The following USP34 variants were observed in gnomAD, a reference collection of about 807,000 sequenced individuals.
USP34 encodes the protein ubiquitin carboxyl-terminal hydrolase 34.
Under a neutral mutation model 460.3 loss-of-function variants are expected in USP34, and 70 were observed. That is an observed-to-expected ratio of 0.15 (90% CI 0.13 to 0.19). USP34 has a LOEUF of 0.19. USP34 is among the 10% of genes least tolerant of loss of function. The probability of loss-of-function intolerance (pLI) is 1.00; values close to 1 mark genes in which losing one functional copy is unlikely to be tolerated. For missense variants in USP34, 3,985 were observed against 4,236.2 expected, an observed-to-expected ratio of 0.94 and a Z score of 1.65; for synonymous variants, 1,647 against 1,405.3, an observed-to-expected ratio of 1.17 and a Z score of -3.85.
chr2:61,417,138 A>G, intron 2 of USP34: 2 of 1,574,436 alleles, frequency 1.3e-6, no homozygotes, highest in Non-Finnish European at 1.7e-6. Context: ...GGCCAATGTG[A>G]ACCCTGGCCA....
intron 76 of USP34, 88 bp from the exon 77 acceptor site, chr2:61,190,746 TTG>T: frequency 7.0e-7 from 1 of 1,436,932 alleles, no homozygotes; most frequent in Non-Finnish European, 9.3e-7. Flanking sequence ...AAACATACAC[TTG>T]TGTATGATGG....
chr2:61,246,234 T>C (rs1036736069), intron 50 of USP34, 90 bp downstream of exon 50: 25 of 1,152,024 alleles, frequency 2.2e-5, no homozygotes, highest in Non-Finnish European at 2.6e-5. Context: ...TTCCAACTTT[T>C]GTGGCAAGTT....
chr2:61,400,193 T>C (rs1371324841), intron 3 of USP34, among the ~76,000 whole-genome samples: 1 of 151,176 alleles, frequency 6.6e-6, no homozygotes, highest in East Asian at 2.0e-4. Context: ...CATTACAAGC[T>C]CCGCCTCCCG....
chr2:61,202,128 G>C (rs767903011), intron 75 of USP34, among the ~76,000 whole-genome samples: 1 of 152,150 alleles, frequency 6.6e-6, no homozygotes, highest in Non-Finnish European at 1.5e-5. Context: ...TGCTGAAGTG[G>C]AATTATCCCT....
rs909608573 is a variant in USP34 at position 61,389,936 on chromosome 2, T to C, written c.753+4917A>G. Among the ~76,000 whole-genome samples, 4 of 152,000 alleles carry C rather than the reference T, an allele frequency of 2.6e-5. No individual in the cohort carries two copies. In the South Asian group the frequency reaches 8.3e-4, roughly 31 times the overall value. On this transcript the variant is annotated intron_variant, in intron 5 of 79. Transcript: ENST00000398571. The stretch of plus-strand genomic sequence containing the variant: ...TGCATCAAACCTAGTTCTGACAAAG[T>C]GCAAAGTGGCATCATGAAAACTTAA...
At chr2:61,440,080 G>C (rs1211182395) in intron 1 of USP34, among the ~76,000 whole-genome samples, 1 of 152,098 alleles carries the variant, frequency 6.6e-6, no homozygotes. Flanking sequence ...GGTTCTGAGG[G>C]CTCACTGAGG....
chr2:61,339,337 A>C lies in USP34; in HGVS notation c.2744+14T>G, dbSNP rs887664676. ...TTTGACTACTGCATTAAAAATTTTT[A>C]AATTCCTCTTTACCTGTTGTTTCCC... On this transcript the variant is annotated intron_variant, in intron 18 of 79. Coordinates refer to ENST00000398571, the MANE Select transcript of USP34 (RefSeq NM_014709.4). 2.5e-6 allele frequency: 4 copies of C among 1,597,660 alleles called. No individual in the cohort carries two copies. Among genetic ancestry groups the C allele is most frequent in the Non-Finnish European group, 2.6e-6 (3 of 1,174,764 alleles).
At chr2:61,220,245 A>G (rs1687522558) in intron 67 of USP34, 65 bp downstream of exon 67, 1 of 1,485,028 alleles carries the variant, frequency 6.7e-7, no homozygotes, top group Middle Eastern at 1.8e-4. Flanking sequence ...TTGCCTAAAA[A>G]CAAAATGAAA....
At chr2:61,462,080 G>A (rs1035444832) in intron 1 of USP34, among the ~76,000 whole-genome samples, 12 of 151,126 alleles carry the variant, frequency 7.9e-5, no homozygotes, top group African/African-American at 2.7e-4. Context: ...TCTACTAAAC[G>A]TAACAAAAAT....
At chr2:61,209,781 T>C (rs1687220788) in intron 69 of USP34, among the ~76,000 whole-genome samples, 1 of 152,310 alleles carries the variant, frequency 6.6e-6, no homozygotes, top group African/African-American at 2.4e-5. Flanking sequence ...AAGGCATCAT[T>C]GTCAGAGGAG....
At chr2:61,456,634 T>C (rs2104085328) in intron 1 of USP34, among the ~76,000 whole-genome samples, 1 of 151,518 alleles carries the variant, frequency 6.6e-6, no homozygotes, top group Middle Eastern at 3.4e-3. Context: ...CTGGGAAACA[T>C]GGTGAAACCC....
At position 61,232,525 on chromosome 2, in the gene USP34, A is replaced by G; in HGVS notation, c.7040T>C (p.Leu2347Ser). ...NNSQAACEWF[L>S]DRMADDDWWP... ...CCAGTCGTCATCAGCCATACGATCT[A>G]AAAACCACTGTTAAAAAAAAATACA... The change falls in exon 58 of 80, where the codon TTA becomes TCA. Residue 2347 changes from leucine (L) to serine (S), a missense_variant. Transcript: ENST00000398571. 6.2e-7 allele frequency: 1 copy of G among 1,606,132 alleles called. No homozygotes were observed. Among genetic ancestry groups the G allele is most frequent in the East Asian group, 2.2e-5 (1 of 44,592 alleles).
At chr2:61,469,353 G>C (rs12616433) in intron 1 of USP34, among the ~76,000 whole-genome samples, 70,284 of 152,044 alleles carry the variant, frequency 0.46, 16,630 homozygotes, top group Middle Eastern at 0.53. Context: ...AGTAAGTATT[G>C]AGGATTTAAG....
chr2:61,265,149 T>C (rs2103916969), intron 43 of USP34: 2 of 369,924 alleles, frequency 5.4e-6, no homozygotes, highest in Non-Finnish European at 9.6e-6. Context: ...TGATATTCAT[T>C]GTATACACTG....
intron 1 of USP34, among the ~76,000 whole-genome samples, chr2:61,453,101 A>C (rs1695333388): frequency 6.6e-6 from 1 of 152,106 alleles, no homozygotes; most frequent in Non-Finnish European, 1.5e-5. Flanking sequence ...GGTAACTGAA[A>C]ATCAGAACCC....
intron 41 of USP34, among the ~76,000 whole-genome samples, chr2:61,268,690 T>C (rs1024953346): frequency 7.2e-5 from 11 of 152,138 alleles, no homozygotes; most frequent in African/African-American, 2.2e-4. Context: ...TAAAAAGTTA[T>C]CAAAAACTTC....
At position 61,294,818 on chromosome 2, in the gene USP34, A is replaced by G. The variant is rs1001069452; in HGVS notation, c.4461+131T>C. On this transcript the variant is annotated intron_variant, in intron 32 of 79. Coordinates refer to ENST00000398571, the MANE Select transcript of USP34 (RefSeq NM_014709.4). ...ACGTTATTGCAACTTAAAGTAATAC[A>G]TGATTTTTAAACTATGCTTTATTTT... 3.9e-6 allele frequency: 3 copies of G among 773,884 alleles called. No individual in the cohort carries two copies. The African/African-American group carries it at 5.4e-5, about 14-fold the overall frequency. The allele number at this position is 773,884 out of a possible 1,614,324, so 47.9% of individuals were successfully genotyped here.
chr2:61,220,103 A>G (rs1687515521), intron 67 of USP34: 1 of 432,866 alleles, frequency 2.3e-6, no homozygotes. Context: ...GGAAACAAAA[A>G]TGATAGTAGT....
chr2:61,361,406 A>G (rs1692272344), intron 10 of USP34, among the ~76,000 whole-genome samples: 1 of 152,232 alleles, frequency 6.6e-6, no homozygotes, highest in South Asian at 2.1e-4. Context: ...TGGACAACAG[A>G]GCAAGACCCT....
Sources: allele counts gnomAD v4.1 joint callset (sites outside exome capture counted in the v4.1 genomes callset), GRCh38; gene constraint gnomAD v4.1.1; transcripts MANE v1.5; gene names NCBI Gene and HGNC (gene_info 2026-07-23, HGNC 2026-07-21).